The following RBMS1 variants were observed in gnomAD, a reference collection of about 807,000 sequenced individuals.
The protein encoded by RBMS1 is RNA binding motif single stranded interacting protein 1.
RBMS1 carries 17 observed loss-of-function variants against 62.3 expected under a neutral mutation model. The observed-to-expected ratio is 0.27, with a 90% CI of 0.19 to 0.41. The LOEUF (loss-of-function observed/expected upper bound fraction) is 0.41, where lower values mean the gene tolerates loss of function less well. Among genes scored for constraint, RBMS1 ranks in the 10% least tolerant of loss-of-function variants. The pLI, the probability that RBMS1 is intolerant of heterozygous loss-of-function variation, is 1.00. For synonymous variants in RBMS1, 172 were observed against 170.0 expected (o/e 1.01, Z -0.09); for missense variants, 334 against 504.5 (o/e 0.66, Z 3.24).
intron 1 of RBMS1, among the ~76,000 whole-genome samples, chr2:160,470,173 G>A (rs775526779): frequency 1.2e-4 from 19 of 152,068 alleles, no homozygotes; most frequent in Non-Finnish European, 1.5e-4. Flanking sequence ...ACTTCCTAGC[G>A]TATGTTAATT....
intron 1 of RBMS1, among the ~76,000 whole-genome samples, chr2:160,386,540 CA>C (rs60611251): frequency 0.78 from 107,607 of 138,302 alleles, 41,123 homozygotes; most frequent in East Asian, 0.88. Flanking sequence ...GACTCCATCT[CA>C]AAAAAAAAAA....
intron 6 of RBMS1, among the ~76,000 whole-genome samples, chr2:160,299,804 C>G (rs530385425): frequency 3.7e-4 from 57 of 152,236 alleles, no homozygotes; most frequent in African/African-American, 1.3e-3. Flanking sequence ...GGGGACTGAG[C>G]AGGCTGGGGA....
At chr2:160,483,312 C>G (rs1685446500) in intron 1 of RBMS1, among the ~76,000 whole-genome samples, 1 of 152,018 alleles carries the variant, frequency 6.6e-6, no homozygotes. Context: ...AAAATGTAAA[C>G]TGCTTGCTAT....
intron 1 of RBMS1, among the ~76,000 whole-genome samples, chr2:160,406,777 G>A (rs1574016160): frequency 6.6e-6 from 1 of 152,104 alleles, no homozygotes. Flanking sequence ...TCCCAGCAGG[G>A]GATTGTGATC....
chr2:160,308,825 G>GA (rs1339730765), intron 4 of RBMS1, among the ~76,000 whole-genome samples: 1 of 152,162 alleles, frequency 6.6e-6, no homozygotes, highest in African/African-American at 2.4e-5. Context: ...GAGCGCTGTA[G>GA]ACACGACATA....
At chr2:160,395,938 T>C (rs918358198) in intron 1 of RBMS1, among the ~76,000 whole-genome samples, 3 of 152,140 alleles carry the variant, frequency 2.0e-5, no homozygotes, top group African/African-American at 7.2e-5. Flanking sequence ...AACTGACCTG[T>C]TAGGAGACAC....
intron 1 of RBMS1, chr2:160,407,722 C>G: frequency 1.0e-6 from 1 of 981,474 alleles, no homozygotes; most frequent in Non-Finnish European, 1.2e-6. Context: ...CCTTCGACCT[C>G]CGCACTCGCC....
chr2:160,288,432 A>T (rs1413132326), intron 6 of RBMS1, among the ~76,000 whole-genome samples: 1 of 152,140 alleles, frequency 6.6e-6, no homozygotes, highest in African/African-American at 2.4e-5. Flanking sequence ...CAAAAAACAA[A>T]ACAAAAGAAA....
At chr2:160,493,202 G>T in intron 1 of RBMS1, 87 bp downstream of exon 1, 1 of 1,307,670 alleles carries the variant, frequency 7.6e-7, no homozygotes, top group Non-Finnish European at 1.1e-6. Context: ...GCGGGGGTTC[G>T]CCGCGCGCCC....
At chr2:160,412,125 G>GTATA (rs1276215299) in intron 1 of RBMS1, among the ~76,000 whole-genome samples, 1 of 152,162 alleles carries the variant, frequency 6.6e-6, no homozygotes, top group Non-Finnish European at 1.5e-5. Context: ...GCCAGGAGGT[G>GTATA]TATACCAACT....
intron 1 of RBMS1, among the ~76,000 whole-genome samples, chr2:160,381,218 T>C (rs1403197681): frequency 1.3e-5 from 2 of 152,138 alleles, no homozygotes; most frequent in African/African-American, 4.8e-5. Context: ...GATAAAACAC[T>C]GGGAACAATG....
In RBMS1 at chr2:160,355,059, G is replaced by A. The variant is rs1318370571; in HGVS notation, c.251+12157C>T. ...TTTGAAGTCAAACAATTCTAATCAAGGGAGTTGCAAACACTTTATTAAATA... is the reference window on the plus strand; with the variant it reads ...TTTGAAGTCAAACAATTCTAATCAAAGGAGTTGCAAACACTTTATTAAATA... On this transcript the variant is annotated intron_variant, in intron 2 of 13. Transcript: ENST00000348849. Among the ~76,000 whole-genome samples the A allele has an allele frequency of 2.0e-5, 3 of 152,046 alleles. No individual in the cohort carries two copies. In the South Asian group the frequency reaches 6.2e-4, roughly 31 times the overall value.
At chr2:160,358,774 G>T (rs1278002596) in intron 2 of RBMS1, among the ~76,000 whole-genome samples, 2 of 151,974 alleles carry the variant, frequency 1.3e-5, no homozygotes, top group Admixed American at 1.3e-4. Flanking sequence ...AGTCAATAAA[G>T]ATTAGTTTTT....
intron 1 of RBMS1, among the ~76,000 whole-genome samples, chr2:160,372,738 T>C (rs1240124790): frequency 2.6e-5 from 4 of 152,080 alleles, no homozygotes; most frequent in African/African-American, 7.2e-5. Context: ...CTGGGAATGG[T>C]GGCTGGAAAG....
At chr2:160,350,601 C>T (rs769041090) in intron 2 of RBMS1, among the ~76,000 whole-genome samples, 7 of 152,080 alleles carry the variant, frequency 4.6e-5, no homozygotes, top group African/African-American at 7.2e-5. Context: ...ACAACAATGG[C>T]ATGATGAACT....
In RBMS1 at chr2:160,365,613, C is replaced by T. The variant is rs190365280; in HGVS notation, c.251+1603G>A. On this transcript the variant is annotated intron_variant, in intron 2 of 13. Transcript: ENST00000348849. ...ACTCCAGTATTTTAGGGTTAACTGTCTCCTTGACATCAAAACTCACCCTAC... is the reference window on the plus strand; with the variant it reads ...ACTCCAGTATTTTAGGGTTAACTGTTTCCTTGACATCAAAACTCACCCTAC... Among the ~76,000 whole-genome samples the T allele has an allele frequency of 2.7e-3, 414 of 152,314 alleles. 1 individual carries two copies. Among genetic ancestry groups the T allele is most frequent in the African/African-American group, 9.2e-3 (384 of 41,572 alleles).
chr2:160,402,804 T>A (rs1383187335), intron 1 of RBMS1, among the ~76,000 whole-genome samples: 1 of 152,138 alleles, frequency 6.6e-6, no homozygotes, highest in African/African-American at 2.4e-5. Flanking sequence ...GCCTCAAAAC[T>A]CCAGACCTTC....
intron 1 of RBMS1, among the ~76,000 whole-genome samples, chr2:160,468,086 C>A (rs554784568): frequency 2.6e-5 from 4 of 152,304 alleles, no homozygotes; most frequent in Admixed American, 2.6e-4. Flanking sequence ...TGATGACCCA[C>A]TGAAACATGC....
At chr2:160,379,546 T>C (rs866437946) in intron 1 of RBMS1, among the ~76,000 whole-genome samples, 2 of 152,218 alleles carry the variant, frequency 1.3e-5, no homozygotes, top group African/African-American at 2.4e-5. Context: ...CCTCTCTTCA[T>C]CTCTTCTGAA....
Sources: allele counts gnomAD v4.1 joint callset (sites outside exome capture counted in the v4.1 genomes callset), GRCh38; gene constraint gnomAD v4.1.1; transcripts MANE v1.5; gene names NCBI Gene and HGNC (gene_info 2026-07-23, HGNC 2026-07-21).